Variants in DDX39A observed in about 807,000 individuals in gnomAD.
DDX39A encodes DExD-box helicase 39A.
Under a neutral mutation model 46.3 loss-of-function variants are expected in DDX39A, and 13 were observed. The observed-to-expected ratio is 0.28, with a 90% CI of 0.18 to 0.45. The LOEUF (loss-of-function observed/expected upper bound fraction) is 0.45. DDX39A is among the 20% of genes least tolerant of loss of function. The pLI, the probability that DDX39A is intolerant of heterozygous loss-of-function variation, is 1.00. For missense variants in DDX39A, 352 were observed against 581.8 expected (o/e 0.61, Z 4.06); for synonymous variants, 234 against 224.6 (o/e 1.04, Z -0.38).
In DDX39A at chr19:14,411,334, G is replaced by T. The variant is rs1216291076; in HGVS notation, c.430-162C>A. On this transcript the variant is annotated intron_variant, in intron 4 of 10. Transcript: ENST00000242776. The surrounding 1 kb of genome is among the most constrained non-coding windows in gnomAD (Gnocchi z 4.1). ...CAGCCCCAGGCTGGGACCTGCGCAG[G>T]CCCCTGGGAGCCATGCATAATTCAT... 1.0e-5 allele frequency: 10 copies of T among 995,862 alleles called. No individual in the cohort carries two copies. The highest frequency in any genetic ancestry group is 1.6e-5 in the African/African-American group (1 of 61,416). The allele number at this position is 995,862 out of a possible 1,614,324, so 61.7% of individuals were successfully genotyped here. A position where few individuals can be genotyped will look rare whatever the true frequency, so the allele number is the denominator to read the frequency against.
In DDX39A at chr19:14,408,890, A is replaced by G. The variant is rs1976412325; in HGVS notation, c.*46T>C. ...AGTGGCGCCTGGAAAGGGGAGGTGA[A>G]GCTGCATGCGGGCGGCTCCGGGTGG... On this transcript the variant is annotated 3_prime_UTR_variant, in exon 11 of 11. Transcript: ENST00000242776. 1 of 1,546,218 alleles carries G rather than the reference A, an allele frequency of 6.5e-7. No homozygotes were observed. The highest frequency in any genetic ancestry group is 2.0e-5 in the Admixed American group (1 of 50,110).
At chr19:14,414,690 C>T (rs916994874) in intron 1 of DDX39A, among the ~76,000 whole-genome samples, 12 of 142,944 alleles carry the variant, frequency 8.4e-5, no homozygotes, top group African/African-American at 2.5e-4. Context: ...AGGCTGCGCG[C>T]GGTGGCTCAC....
Position 14,412,749 on chromosome 19 carries a change from C to G in DDX39A, c.209-71G>C, listed in dbSNP as rs778764053. The stretch of plus-strand genomic sequence containing the variant: ...CCGTGCAGGATCCTCACCAGTTGAC[C>G]GGGGGCCCACAGTGAGGGCAATCAG... On this transcript the variant is annotated intron_variant, in intron 2 of 10. Transcript: ENST00000242776. The surrounding 1 kb of genome is among the most constrained non-coding windows in gnomAD (Gnocchi z 4.4). 1 of 1,537,772 alleles carries G rather than the reference C, an allele frequency of 6.5e-7. No homozygotes were observed. The highest frequency in any genetic ancestry group is 1.9e-5 in the Admixed American group (1 of 53,714).
rs763677065 is a variant in DDX39A, at chr19:14,411,158, G to C, written c.444C>G (p.Phe148Leu). 2.5e-6 allele frequency: 4 copies of C among 1,584,388 alleles called. No homozygotes were observed. The highest frequency in any genetic ancestry group is 1.9e-5 in the Admixed American group (1 of 53,778). The change falls in exon 5 of 11, where the codon TTC becomes TTG. Residue 148 changes from phenylalanine (F) to leucine (L), a missense_variant. Physicochemically the swap from Phe to Leu is conservative, Grantham distance 22 (BLOSUM62 0). This residue lies in a region of DDX39A where 301 missense variants were observed against 469.9 expected (regional missense o/e 0.64). Coordinates refer to ENST00000242776, the MANE Select transcript of DDX39A (RefSeq NM_005804.4). The surrounding 1 kb of genome is among the most constrained non-coding windows in gnomAD (Gnocchi z 4.1). ...YMPSVKVSVFFGGLSIKKDEE... is the reference protein window; with the variant it reads ...YMPSVKVSVFLGGLSIKKDEE... ...CATCCTTCTTGATGGAGAGACCACC[G>C]AAGAACACAGACACCTATGGGGATG...
chr19:14,419,099 C>G, intron 1 of DDX39A, 171 bp downstream of exon 1: 1 of 415,560 alleles, frequency 2.4e-6, no homozygotes, highest in South Asian at 1.6e-5. Context: ...GCGCATGCGC[C>G]CCGGTGCCCA....
Position 14,409,973 on chromosome 19 carries a change from C to T in DDX39A, c.733-100G>A. 7.0e-7 allele frequency: 1 copy of T among 1,436,612 alleles called. No homozygotes were observed. The highest frequency in any genetic ancestry group is 1.2e-5 in the South Asian group (1 of 86,854). 89.0% of individuals were successfully genotyped at this position (1,436,612 alleles called of 1,614,324 possible). ...GGGCGACTCCTTTGTGCGACACTTC[C>T]CAGAGGACCTGCTGCACCAGACCTC... On this transcript the variant is annotated intron_variant, in intron 6 of 10. Transcript: ENST00000242776. This position sits in a 1 kb window ranked among gnomAD's most constrained non-coding sequence, Gnocchi z 8.3.
chr19:14,418,114 C>G (rs1297694055), intron 1 of DDX39A, among the ~76,000 whole-genome samples: 1 of 97,726 alleles, frequency 1.0e-5, no homozygotes, highest in South Asian at 3.4e-4. Context: ...GAGCAAGGCT[C>G]TGTCTCAAAA....
rs981849543 is a variant in DDX39A at position 14,411,721 on chromosome 19, C to A, written c.337-123G>T. 4.4e-5 allele frequency: 35 copies of A among 804,562 alleles called. No homozygotes were observed. The highest frequency in any genetic ancestry group is 7.2e-5 in the Non-Finnish European group (35 of 487,190). The allele number at this position is 804,562 out of a possible 1,614,324, so 49.8% of individuals were successfully genotyped here. A position where few individuals can be genotyped will look rare whatever the true frequency, so the allele number is the denominator to read the frequency against. The stretch of plus-strand genomic sequence containing the variant: ...CAACATCACAGGCCATTTGAAGGCC[C>A]GGTCCAAATGCCTCCCACTTCTCAC... On this transcript the variant is annotated intron_variant, in intron 3 of 10. Transcript: ENST00000242776. This position sits in a 1 kb window ranked among gnomAD's most constrained non-coding sequence, Gnocchi z 4.1.
Position 14,410,388 on chromosome 19 carries a change from C to T in DDX39A, c.614-54G>A, listed in dbSNP as rs1976528688. ...GCATGAGCGTCTGCCATGCAGGACCCCCACCCCAGACCAGACCCAGACCCC... is the reference window on the plus strand; with the variant it reads ...GCATGAGCGTCTGCCATGCAGGACCTCCACCCCAGACCAGACCCAGACCCC... On this transcript the variant is annotated intron_variant, in intron 5 of 10. Transcript: ENST00000242776. This position sits in a 1 kb window ranked among gnomAD's most constrained non-coding sequence, Gnocchi z 4.3. 2.7e-6 allele frequency: 4 copies of T among 1,508,744 alleles called. No homozygotes were observed. The highest frequency in any genetic ancestry group is 2.8e-6 in the Non-Finnish European group (3 of 1,087,116). 93.5% of individuals were successfully genotyped at this position (1,508,744 alleles called of 1,614,324 possible).
At chr19:14,414,372 T>TATA (rs1286731968) in intron 1 of DDX39A, among the ~76,000 whole-genome samples, 5 of 142,206 alleles carry the variant, frequency 3.5e-5, no homozygotes, top group African/African-American at 5.2e-5. Context: ...TTATTATTAT[T>TATA]GAGATGAAGT....
chr19:14,410,661 C>T lies in DDX39A; in HGVS notation c.614-327G>A. The T allele has an allele frequency of 1.9e-6, 1 of 519,446 alleles. No individual in the cohort carries two copies. Among genetic ancestry groups the T allele is most frequent in the Non-Finnish European group, 3.5e-6 (1 of 284,720 alleles). The allele number at this position is 519,446 out of a possible 1,614,324, so 32.2% of individuals were successfully genotyped here. A position where few individuals can be genotyped will look rare whatever the true frequency, so the allele number is the denominator to read the frequency against. On this transcript the variant is annotated intron_variant, in intron 5 of 10. Coordinates refer to ENST00000242776, the MANE Select transcript of DDX39A (RefSeq NM_005804.4). This position sits in a 1 kb window ranked among gnomAD's most constrained non-coding sequence, Gnocchi z 4.3. ...CTGCAGCTGCCTCCCAGGACACAAG[C>T]CCATCTCCCACCGGCCCTGTCGGGG...
rs923965816 is a variant in DDX39A at position 14,410,522 on chromosome 19, C to T, written c.614-188G>A. On this transcript the variant is annotated intron_variant, in intron 5 of 10. Coordinates refer to ENST00000242776, the MANE Select transcript of DDX39A (RefSeq NM_005804.4). The surrounding 1 kb of genome is among the most constrained non-coding windows in gnomAD (Gnocchi z 4.3). Reference sequence around the variant, plus strand: ...CTGGGGGGTGGCCAGCGAGCGCAGGCGCGGGAGGAGCTGCAATCCACTTAC... The same window carrying T: ...CTGGGGGGTGGCCAGCGAGCGCAGGTGCGGGAGGAGCTGCAATCCACTTAC... The T allele has an allele frequency of 1.6e-6, 1 of 607,526 alleles. No individual in the cohort carries two copies. The highest frequency in any genetic ancestry group is 3.0e-6 in the Non-Finnish European group (1 of 338,484). 37.6% of individuals were successfully genotyped at this position (607,526 alleles called of 1,614,324 possible).
chr19:14,411,486 G>A lies in DDX39A; in HGVS notation c.429+20C>T. The stretch of plus-strand genomic sequence containing the variant: ...CAGAAACCAAGTGGCGCCTGGTCCA[G>A]TCTGGCCCGAGGGACTCACCTTGAC... On this transcript the variant is annotated intron_variant, in intron 4 of 10. Transcript: ENST00000242776. This position sits in a 1 kb window ranked among gnomAD's most constrained non-coding sequence, Gnocchi z 4.1. 6.2e-7 allele frequency: 1 copy of A among 1,609,030 alleles called. No individual in the cohort carries two copies. The highest frequency in any genetic ancestry group is 8.5e-7 in the Non-Finnish European group (1 of 1,175,396).
chr19:14,413,230 A>AAG lies in DDX39A; in HGVS notation c.-4-8_-4-7dup. On this transcript the variant is annotated splice_region_variant and splice_polypyrimidine_tract_variant and intron_variant, in intron 1 of 10. Coordinates refer to ENST00000242776, the MANE Select transcript of DDX39A (RefSeq NM_005804.4). ...CATCCTGTTCTGCCATGATGCTGAG[A>AAG]AGAGAGAGAGGCAGGGTCCCGCGAG... 6.2e-7 allele frequency: 1 copy of AAG among 1,612,404 alleles called. No homozygotes were observed. Among genetic ancestry groups the AAG allele is most frequent in the Non-Finnish European group, 8.5e-7 (1 of 1,179,220 alleles).
chr19:14,418,476 G>T (rs1295963297), intron 1 of DDX39A, among the ~76,000 whole-genome samples: 1 of 151,520 alleles, frequency 6.6e-6, no homozygotes, highest in African/African-American at 2.4e-5. Flanking sequence ...TGTTTTTTTT[G>T]AGGCAGAATC....
At chr19:14,413,298 C>T in intron 1 of DDX39A, 74 bp from the exon 2 acceptor site, 1 of 1,347,664 alleles carries the variant, frequency 7.4e-7, no homozygotes, top group Non-Finnish European at 1.0e-6. Flanking sequence ...ATGGCATTCT[C>T]TGCCGCCTCC....
In DDX39A at chr19:14,409,772, A is replaced by G; in HGVS notation, c.834T>C (p.Phe278=). 6.2e-7 allele frequency: 1 copy of G among 1,614,136 alleles called. No homozygotes were observed. The highest frequency in any genetic ancestry group is 8.5e-7 in the Non-Finnish European group (1 of 1,179,996). ...LKDSEKNRKL[F]DLLDVLEFNQ... ...TAAACTCCAGCACATCCAAGAGATC[A>G]AAGAGCTTGCGGTTCTTCTCACTGT... The change falls in exon 7 of 11, where the codon TTT becomes TTC. Residue 278 remains phenylalanine, a synonymous_variant. Transcript: ENST00000242776. The surrounding 1 kb of genome is among the most constrained non-coding windows in gnomAD (Gnocchi z 8.3).
At chr19:14,416,690 G>GT (rs1453602172) in intron 1 of DDX39A, among the ~76,000 whole-genome samples, 4 of 152,162 alleles carry the variant, frequency 2.6e-5, no homozygotes, top group Middle Eastern at 3.4e-3. Context: ...TTGTTTGTTT[G>GT]TTTTTTTGTT....
Position 14,412,355 on chromosome 19 carries a change from G to C in DDX39A, c.336+196C>G. ...ATAACTAATTATTTTTTGAGATGGA[G>C]TCTACCTCTGCCACCCAGGCTGGAG... On this transcript the variant is annotated intron_variant, in intron 3 of 10. Coordinates refer to ENST00000242776, the MANE Select transcript of DDX39A (RefSeq NM_005804.4). This position sits in a 1 kb window ranked among gnomAD's most constrained non-coding sequence, Gnocchi z 4.4. 1.7e-6 allele frequency: 1 copy of C among 583,860 alleles called. No individual in the cohort carries two copies. Among genetic ancestry groups the C allele is most frequent in the East Asian group, 3.1e-5 (1 of 32,072 alleles). 36.2% of individuals were successfully genotyped at this position (583,860 alleles called of 1,614,324 possible).
Sources: gnomAD v4.1 joint callset for allele counts (sites outside exome capture counted in the v4.1 genomes callset) on GRCh38, gnomAD v4.1.1 for gene constraint, gnomAD v4.1.1 regional missense constraint, Gnocchi (gnomAD v3.1) non-coding constraint, MANE v1.5 for transcripts, NCBI Gene and HGNC (gene_info 2026-07-23, HGNC 2026-07-21) for gene names.